The following L3HYPDH variants were observed in gnomAD, a reference collection of about 807,000 sequenced individuals.
The protein encoded by L3HYPDH is trans-3-hydroxy-L-proline dehydratase.
Under a neutral mutation model 26.5 loss-of-function variants are expected in L3HYPDH, and 32 were observed. That is an observed-to-expected ratio of 1.21 (90% CI 0.91 to 1.62). L3HYPDH has a LOEUF of 1.62. L3HYPDH is among the 40% of genes most tolerant of loss of function. The probability of loss-of-function intolerance (pLI) is 0.00; values close to 1 mark genes in which losing one functional copy is unlikely to be tolerated. For synonymous variants in L3HYPDH, 215 were observed against 196.6 expected, an observed-to-expected ratio of 1.09 and a Z score of -0.78; for missense variants, 554 against 476.4, an observed-to-expected ratio of 1.16 and a Z score of -1.52.
chr14:59,471,260 A>G (rs1052331602), downstream of L3HYPDH, among the ~76,000 whole-genome samples: 1 of 152,238 alleles, frequency 6.6e-6, no homozygotes, highest in African/African-American at 2.4e-5. Context: ...TTCAAGAAAT[A>G]TAACATTCTT....
chr14:59,483,431 G>T, intron 1 of L3HYPDH: 3 of 964,814 alleles, frequency 3.1e-6, no homozygotes, highest in South Asian at 6.3e-5. Flanking sequence ...CATATTCTCA[G>T]CCAGCCTGGA....
Position 59,483,831 on chromosome 14 carries a change from G to C in L3HYPDH, c.486C>G (p.Val162=). The stretch of plus-strand genomic sequence containing the variant: ...TACCTGTGGCCAGCACGAAGGCCGG[G>C]ACGCTGTGGAAGCGCACCGGTCCGT... ...RSHGPVRFHS[V]PAFVLATDLM... Residue 162 remains valine (V), a synonymous_variant, in exon 1 of 5, where the codon GTC becomes GTG. Coordinates refer to ENST00000247194, the MANE Select transcript of L3HYPDH (RefSeq NM_144581.2). The C allele has an allele frequency of 6.3e-7, 1 of 1,591,062 alleles. No individual in the cohort carries two copies. Among genetic ancestry groups the C allele is most frequent in the Non-Finnish European group, 8.5e-7 (1 of 1,175,958 alleles).
Position 59,484,102 on chromosome 14 carries a change from T to G in L3HYPDH, c.215A>C (p.His72Pro), listed in dbSNP as rs1890293628. 1 of 1,605,606 alleles carries G rather than the reference T, an allele frequency of 6.2e-7. No homozygotes were observed. The highest frequency in any genetic ancestry group is 8.5e-7 in the Non-Finnish European group (1 of 1,179,344). The change falls in exon 1 of 5, where the codon CAC becomes CCC. Residue 72 changes from histidine (H) to proline (P), a missense_variant. Physicochemically the swap from His to Pro is moderately conservative, Grantham distance 77. Transcript: ENST00000247194. ...TAGGACCGCCCCGTACATGTCCCGG[T>G]GCCCTCGGGGCTCGAACATGAGCCG... ...RRRLMFEPRG[H>P]RDMYGAVLVP...
At chr14:59,477,184 C>T (rs1464132858) in intron 2 of L3HYPDH, among the ~76,000 whole-genome samples, 3 of 152,216 alleles carry the variant, frequency 2.0e-5, no homozygotes, top group African/African-American at 7.2e-5. Flanking sequence ...GGTATGCTCG[C>T]TTCCCCAACT....
Position 59,472,987 on chromosome 14 carries a change from C to G in L3HYPDH, c.1043G>C (p.Arg348Thr). 1 of 1,603,614 alleles carries G rather than the reference C, an allele frequency of 6.2e-7. No individual in the cohort carries two copies. Among genetic ancestry groups the G allele is most frequent in the Non-Finnish European group, 8.5e-7 (1 of 1,176,380 alleles). The change falls in exon 5 of 5, where the codon AGG becomes ACG. Residue 348 changes from arginine to threonine, a missense_variant. Arg to Thr is a moderately conservative substitution (Grantham distance 71). Coordinates refer to ENST00000247194, the MANE Select transcript of L3HYPDH (RefSeq NM_144581.2). ...SFIIEDDDPLRDGFLLK is the reference protein window; with the variant it reads ...SFIIEDDDPLTDGFLLK ...AAGTCACTTGAGAAGAAATCCATCCCTCAATGGGTCGTCATCTTCTATTAT... is the reference window on the plus strand; with the variant it reads ...AAGTCACTTGAGAAGAAATCCATCCGTCAATGGGTCGTCATCTTCTATTAT...
intron 1 of L3HYPDH, chr14:59,483,601 G>A (rs1890219582): frequency 5.6e-6 from 8 of 1,432,738 alleles, no homozygotes; most frequent in Non-Finnish European, 7.3e-6. Flanking sequence ...CAAAACCACA[G>A]GCGGATGGGA....
rs773746832 is a variant in L3HYPDH at position 59,479,171 on chromosome 14, G to A, written c.678+11C>T. The A allele has an allele frequency of 8.8e-6, 14 of 1,589,336 alleles. No individual in the cohort carries two copies. The highest frequency in any genetic ancestry group is 1.9e-5 in the Admixed American group (1 of 53,120). On this transcript the variant is annotated intron_variant, in intron 2 of 4. Coordinates refer to ENST00000247194, the MANE Select transcript of L3HYPDH (RefSeq NM_144581.2). ...GAAGGGAATTGGTTATGAAGGCAGA[G>A]TATTACTGACCTGAGCTTTCACTGC... is the stretch of plus-strand genomic sequence containing the variant.
At chr14:59,470,728 A>C (rs910134224), downstream of L3HYPDH, among the ~76,000 whole-genome samples, 13 of 152,234 alleles carry the variant, frequency 8.5e-5, no homozygotes, top group African/African-American at 2.9e-4. Context: ...CTAATGAGTA[A>C]TGAGGTAGAA....
In L3HYPDH at chr14:59,484,094, T is replaced by C. The variant is rs775961112; in HGVS notation, c.223A>G (p.Met75Val). 4.4e-6 allele frequency: 7 copies of C among 1,606,360 alleles called. No homozygotes were observed. Among genetic ancestry groups the C allele is most frequent in the South Asian group, 1.1e-5 (1 of 90,896 alleles). The change falls in exon 1 of 5, where the codon ATG (methionine) becomes GTG (valine). Residue 75 changes from methionine (M) to valine (V), a missense_variant. Met to Val is a conservative substitution (Grantham distance 21). Coordinates refer to ENST00000247194, the MANE Select transcript of L3HYPDH (RefSeq NM_144581.2). ...LMFEPRGHRD[M>V]YGAVLVPSEL... ...CTCGGGACTAGGACCGCCCCGTACA[T>C]GTCCCGGTGCCCTCGGGGCTCGAAC...
At chr14:59,497,469 T>C in the L3HYPDH span, among the ~76,000 whole-genome samples, 1 of 152,176 alleles carries the variant, frequency 6.6e-6, no homozygotes, top group Non-Finnish European at 1.5e-5. Flanking sequence ...CACAGGATGG[T>C]TTCCTCCTGA....
At chr14:59,491,867 G>A in the L3HYPDH span, among the ~76,000 whole-genome samples, 1 of 152,252 alleles carries the variant, frequency 6.6e-6, no homozygotes, top group South Asian at 2.1e-4. Context: ...CCTCTGCTAA[G>A]ACTAGACCCT....
At chr14:59,484,725 G>T, upstream of L3HYPDH, 1 of 1,193,304 alleles carries the variant, frequency 8.4e-7, no homozygotes. Flanking sequence ...GACCCCGCCC[G>T]CCCTCGGGCC....
the L3HYPDH span, among the ~76,000 whole-genome samples, chr14:59,491,324 C>T: frequency 7.9e-5 from 12 of 152,108 alleles, no homozygotes; most frequent in Admixed American, 3.9e-4. Context: ...TCCAGAAAGA[C>T]AAAAAGACTC....
upstream of L3HYPDH, chr14:59,484,941 A>G: frequency 1.3e-6 from 2 of 1,490,290 alleles, no homozygotes; most frequent in East Asian, 2.3e-5. Context: ...ACAGTAAAGC[A>G]GAAGCAAGTT....
chr14:59,466,384 C>A (rs1889180367), intron 1 of L3HYPDH, among the ~76,000 whole-genome samples: 1 of 152,212 alleles, frequency 6.6e-6, no homozygotes, highest in Non-Finnish European at 1.5e-5. Flanking sequence ...GTGTGATAAA[C>A]CCTCAGGTTA....
At chr14:59,466,598 T>C (rs924508467) in intron 1 of L3HYPDH, among the ~76,000 whole-genome samples, 1 of 152,186 alleles carries the variant, frequency 6.6e-6, no homozygotes. Flanking sequence ...ATGCACAAAT[T>C]TGAGAAACAC....
At chr14:59,479,413 T>C (rs1889862476) in intron 1 of L3HYPDH, 62 bp from the exon 2 acceptor site, 2 of 1,413,136 alleles carry the variant, frequency 1.4e-6, no homozygotes, top group Admixed American at 4.4e-5. Flanking sequence ...AGCAATAAAA[T>C]TCAAAGGATT....
chr14:59,467,251 CAA>C (rs1889215525), intron 1 of L3HYPDH, among the ~76,000 whole-genome samples: 1 of 152,112 alleles, frequency 6.6e-6, no homozygotes, highest in Admixed American at 6.5e-5. Context: ...GATGAATGTG[CAA>C]AGTCTGGAGG....
At chr14:59,491,128 A>T in the L3HYPDH span, among the ~76,000 whole-genome samples, 154 of 152,352 alleles carry the variant, frequency 1.0e-3, no homozygotes, top group African/African-American at 3.7e-3. Context: ...GAGGTGTCTT[A>T]ACAAATGTTC....
Sources: gnomAD v4.1 joint callset for allele counts (sites outside exome capture counted in the v4.1 genomes callset) on GRCh38, gnomAD v4.1.1 for gene constraint, MANE v1.5 for transcripts, NCBI Gene and HGNC (gene_info 2026-07-23, HGNC 2026-07-21) for gene names.